CDH13: variants seen among roughly 807,000 people sequenced by gnomAD.
CDH13 encodes cadherin-13.
Under a neutral mutation model 63.8 loss-of-function variants are expected in CDH13, and 24 were observed. That is an observed-to-expected ratio of 0.38 (90% CI 0.27 to 0.53). The LOEUF (loss-of-function observed/expected upper bound fraction) is 0.53. Among genes scored for constraint, CDH13 ranks in the 20% least tolerant of loss-of-function variants. The probability of loss-of-function intolerance (pLI) is 0.85; values close to 1 mark genes in which losing one functional copy is unlikely to be tolerated. For missense variants in CDH13, 1,049 were observed against 903.1 expected (o/e 1.16, Z -2.07); for synonymous variants, 503 against 355.3 (o/e 1.42, Z -4.67).
At chr16:82,806,218 G>A (rs2037132678) in intron 1 of CDH13, among the ~76,000 whole-genome samples, 1 of 152,168 alleles carries the variant, frequency 6.6e-6, no homozygotes, top group African/African-American at 2.4e-5. Flanking sequence ...TCAGAGAGAA[G>A]ACATGCCCTT....
Position 83,032,065 on chromosome 16 carries a change from A to G in CDH13, c.213A>G (p.Pro71=), listed in dbSNP as rs749510568. ...NDKLRYEVSS[P]YFKVNSDGGL... ...AGCTACGCTATGAGGTCTCGAGCCC[A>G]TACTTCAAGGTGAACAGCGATGGCG... is the stretch of plus-strand genomic sequence containing the variant. The change falls in exon 3 of 14, where the codon CCA becomes CCG. Residue 71 remains proline (P), a synonymous_variant. Coordinates refer to ENST00000567109, the MANE Select transcript of CDH13 (RefSeq NM_001257.5). 1.4e-5 allele frequency: 23 copies of G among 1,611,022 alleles called. No individual in the cohort carries two copies. The highest frequency in any genetic ancestry group is 1.7e-5 in the Non-Finnish European group (20 of 1,178,826).
chr16:83,321,060 A>G (rs750299300), intron 5 of CDH13, among the ~76,000 whole-genome samples: 11 of 152,254 alleles, frequency 7.2e-5, no homozygotes, highest in African/African-American at 2.2e-4. Flanking sequence ...GAAACATTTC[A>G]TAGAGTTCAT....
At chr16:83,473,478 G>A (rs1329230622) in intron 6 of CDH13, among the ~76,000 whole-genome samples, 2 of 152,110 alleles carry the variant, frequency 1.3e-5, no homozygotes, top group Admixed American at 1.3e-4. Context: ...AAACCTCCTG[G>A]AGATCCTTGT....
chr16:83,046,409 T>G (rs1293415454), intron 3 of CDH13, among the ~76,000 whole-genome samples: 1 of 152,148 alleles, frequency 6.6e-6, no homozygotes, highest in Non-Finnish European at 1.5e-5. Context: ...TTTCTTTCTC[T>G]ATCACACAAA....
intron 3 of CDH13, among the ~76,000 whole-genome samples, chr16:83,121,180 C>A (rs7198517): frequency 6.6e-6 from 1 of 151,990 alleles, no homozygotes; most frequent in African/African-American, 2.4e-5. Context: ...TCTTTGCCTG[C>A]ATATTGAGTC....
intron 1 of CDH13, among the ~76,000 whole-genome samples, chr16:82,636,725 G>A (rs1283089903): frequency 2.0e-5 from 3 of 152,092 alleles, no homozygotes; most frequent in Non-Finnish European, 4.4e-5. Flanking sequence ...TTTAACAACT[G>A]GGCCACTCTA....
At chr16:82,695,751 A>G (rs111546872) in intron 1 of CDH13, among the ~76,000 whole-genome samples, 1 of 152,342 alleles carries the variant, frequency 6.6e-6, no homozygotes, top group African/African-American at 2.4e-5. Context: ...AGGAGATTTG[A>G]ACACAAGGGC....
Position 83,290,177 on chromosome 16 carries a change from T to C in CDH13, c.637-54685T>C, listed in dbSNP as rs545505071. On this transcript the variant is annotated intron_variant, in intron 5 of 13. Coordinates refer to ENST00000567109, the MANE Select transcript of CDH13 (RefSeq NM_001257.5). ...CATTCTCCTCCTTGCTGCTGTGCAA[T>C]ATACCATTACGGGAACTAACCACAT... Among the ~76,000 whole-genome samples the C allele has an allele frequency of 2.0e-5, 3 of 152,332 alleles. No homozygotes were observed. The East Asian group carries it at 5.8e-4, about 29-fold the overall frequency.
chr16:83,533,046 A>G (rs2075114538), intron 7 of CDH13, among the ~76,000 whole-genome samples: 1 of 152,168 alleles, frequency 6.6e-6, no homozygotes, highest in Non-Finnish European at 1.5e-5. Flanking sequence ...CATCTCTAAA[A>G]GGATTCCAAT....
rs192206461 is a variant in CDH13, at chr16:83,632,438, C to G, written c.1101+29844C>G. 7.2e-5 allele frequency among the ~76,000 whole-genome samples: 11 copies of G among 152,168 alleles called. No individual in the cohort carries two copies. The East Asian group carries it at 2.1e-3, about 30-fold the overall frequency. ...CAGCAGCTCCGTGCATGACAAGGTGCTGAATGCTTTCTGTTTATTATCACG... is the reference window on the plus strand; with the variant it reads ...CAGCAGCTCCGTGCATGACAAGGTGGTGAATGCTTTCTGTTTATTATCACG... On this transcript the variant is annotated intron_variant, in intron 8 of 13. Transcript: ENST00000567109.
chr16:83,515,714 A>G (rs1370997963), intron 7 of CDH13, among the ~76,000 whole-genome samples: 1 of 152,206 alleles, frequency 6.6e-6, no homozygotes, highest in Non-Finnish European at 1.5e-5. Context: ...ACAAAAATAC[A>G]TTATTTTTCT....
chr16:83,404,679 C>G (rs1013340680), intron 6 of CDH13, among the ~76,000 whole-genome samples: 4 of 152,196 alleles, frequency 2.6e-5, no homozygotes, highest in African/African-American at 9.7e-5. Flanking sequence ...TCCTATGTGC[C>G]TAAATCTTCC....
chr16:83,010,404 A>G (rs1267107215), intron 2 of CDH13, among the ~76,000 whole-genome samples: 1 of 152,150 alleles, frequency 6.6e-6, no homozygotes, highest in Non-Finnish European at 1.5e-5. Flanking sequence ...ACTGTCAGAA[A>G]TGGAAATGTA....
At position 83,161,970 on chromosome 16, in the gene CDH13, A is replaced by C. The variant is rs73604289; in HGVS notation, c.483+36469A>C. 7.2e-3 allele frequency among the ~76,000 whole-genome samples: 1,089 copies of C among 152,304 alleles called. 13 individuals are homozygous for C. The highest frequency in any genetic ancestry group is 0.025 in the African/African-American group (1,047 of 41,564). Reference sequence around the variant, plus strand: ...TTTGCTTAAGAATCCATCTTTTTCTATCAGTGCCAAATTCTCTCACTACTT... The same window carrying C: ...TTTGCTTAAGAATCCATCTTTTTCTCTCAGTGCCAAATTCTCTCACTACTT... On this transcript the variant is annotated intron_variant, in intron 4 of 13. Transcript: ENST00000567109.
intron 7 of CDH13, among the ~76,000 whole-genome samples, chr16:83,500,046 G>A (rs974327758): frequency 2.6e-5 from 4 of 151,552 alleles, no homozygotes; most frequent in East Asian, 2.0e-4. Flanking sequence ...CAGGCGATCC[G>A]CCCACCTCGG....
intron 3 of CDH13, among the ~76,000 whole-genome samples, chr16:83,036,709 C>T (rs946384657): frequency 6.6e-6 from 1 of 152,168 alleles, no homozygotes; most frequent in Admixed American, 6.5e-5. Flanking sequence ...CTCTCCCTTG[C>T]ACCCTGTGTT....
At chr16:82,641,921 C>A (rs187736244) in intron 1 of CDH13, among the ~76,000 whole-genome samples, 1 of 151,906 alleles carries the variant, frequency 6.6e-6, no homozygotes, top group Non-Finnish European at 1.5e-5. Context: ...AGAAAGCAGG[C>A]GAGGGGGTAG....
chr16:83,717,382 G>T (rs369626341), intron 10 of CDH13, among the ~76,000 whole-genome samples: 9 of 151,976 alleles, frequency 5.9e-5, no homozygotes, highest in African/African-American at 2.2e-4. Context: ...TCTCCCATTG[G>T]GTTCAGTCTG....
intron 8 of CDH13, among the ~76,000 whole-genome samples, chr16:83,612,481 C>G (rs62040199): frequency 0.38 from 57,204 of 151,534 alleles, 10,837 homozygotes; most frequent in East Asian, 0.43. Flanking sequence ...GTTATTGTTA[C>G]TGGAATTATT....
Sources: gnomAD v4.1 joint callset for allele counts (sites outside exome capture counted in the v4.1 genomes callset) on GRCh38, gnomAD v4.1.1 for gene constraint, MANE v1.5 for transcripts, NCBI Gene and HGNC (gene_info 2026-07-23, HGNC 2026-07-21) for gene names.